SNX14: variants seen among roughly 807,000 people sequenced by gnomAD.
The protein encoded by SNX14 is sorting nexin-14.
SNX14 carries 93 observed loss-of-function variants against 133.8 expected under a neutral mutation model. The observed-to-expected ratio is 0.70, with a 90% CI of 0.59 to 0.83. The LOEUF (loss-of-function observed/expected upper bound fraction) is 0.83. Among genes scored for constraint, SNX14 ranks in the 40% least tolerant of loss-of-function variants. The probability of loss-of-function intolerance (pLI) is 0.00; values close to 1 mark genes in which losing one functional copy is unlikely to be tolerated. For synonymous variants in SNX14, 368 were observed against 365.6 expected, an observed-to-expected ratio of 1.01 and a Z score of -0.07; for missense variants, 945 against 1,094.9, an observed-to-expected ratio of 0.86 and a Z score of 1.93.
Position 85,530,199 on chromosome 6 carries a change from TTC to T in SNX14, c.1885_1886del (p.Glu629IlefsTer7), listed in dbSNP as rs1171246802. On this transcript the variant is annotated frameshift_variant, in exon 19 of 29. Coordinates refer to ENST00000314673, the MANE Select transcript of SNX14 (RefSeq NM_153816.6). LOFTEE classifies it high-confidence loss of function. Reference protein sequence around the residue: ...EFYVLESKLTEFHGAFPDAQL... With the variant: ...EFYVLESKLTXFHGAFPDAQL... ...CCAAAAAGAATAACATACCATGAAATTCTGTTAGTTTTGATTCAAGTACATAG... is the reference window on the plus strand; with the variant it reads ...CCAAAAAGAATAACATACCATGAAATTGTTAGTTTTGATTCAAGTACATAG... The T allele has an allele frequency of 2.5e-6, 4 of 1,573,964 alleles. No individual in the cohort carries two copies. The highest frequency in any genetic ancestry group is 2.6e-6 in the Non-Finnish European group (3 of 1,150,058).
intron 6 of SNX14, among the ~76,000 whole-genome samples, chr6:85,563,333 C>T (rs559790032): frequency 6.6e-6 from 1 of 152,262 alleles, no homozygotes; most frequent in East Asian, 1.9e-4. Context: ...AGACAATATA[C>T]TACAAATATA....
intron 6 of SNX14, among the ~76,000 whole-genome samples, chr6:85,559,132 G>A (rs1790728727): frequency 6.6e-6 from 1 of 151,762 alleles, no homozygotes; most frequent in African/African-American, 2.4e-5. Context: ...AAAATCCCAG[G>A]GTGATAAATC....
intron 9 of SNX14, among the ~76,000 whole-genome samples, chr6:85,547,798 A>C (rs1275386951): frequency 2.0e-5 from 3 of 152,230 alleles, no homozygotes; most frequent in Non-Finnish European, 4.4e-5. Context: ...TTTCTAAATC[A>C]TTCTTGTTTC....
intron 9 of SNX14, 82 bp downstream of exon 9, chr6:85,548,219 T>C (rs1436915461): frequency 3.1e-6 from 3 of 959,826 alleles, no homozygotes; most frequent in Non-Finnish European, 4.8e-6. Flanking sequence ...TATCACTGAC[T>C]ATATACATAA....
At chr6:85,535,026 T>A (rs1322328735) in intron 17 of SNX14, among the ~76,000 whole-genome samples, 1 of 119,540 alleles carries the variant, frequency 8.4e-6, no homozygotes, top group Non-Finnish European at 1.8e-5. Context: ...CTTCTATCCA[T>A]ACTTTTTTTT....
chr6:85,513,903 A>G lies in SNX14; in HGVS notation c.2558-8T>C, dbSNP rs1193953721. On this transcript the variant is annotated splice_polypyrimidine_tract_variant and splice_region_variant and intron_variant, in intron 25 of 28. Coordinates refer to ENST00000314673, the MANE Select transcript of SNX14 (RefSeq NM_153816.6). ...TTTCACAGAATATAGCATCTAAAAA[A>G]GAGTAAAAAGAAATATTTCTGGAAT... 1.3e-6 allele frequency: 2 copies of G among 1,598,372 alleles called. No homozygotes were observed. The highest frequency in any genetic ancestry group is 1.7e-6 in the Non-Finnish European group (2 of 1,173,734).
intron 1 of SNX14, 125 bp downstream of exon 1, chr6:85,593,454 A>T: frequency 7.2e-7 from 1 of 1,386,486 alleles, no homozygotes; most frequent in Non-Finnish European, 9.5e-7. Context: ...TCCTCTGCGG[A>T]GCTCGCTCTC....
At chr6:85,545,244 A>G (rs1217855036) in intron 12 of SNX14, among the ~76,000 whole-genome samples, 1 of 152,228 alleles carries the variant, frequency 6.6e-6, no homozygotes, top group Non-Finnish European at 1.5e-5. Context: ...GAGAAAAAGA[A>G]AGGCAAAGAA....
intron 18 of SNX14, among the ~76,000 whole-genome samples, chr6:85,533,251 A>G (rs1262777536): frequency 1.3e-5 from 2 of 152,236 alleles, no homozygotes; most frequent in African/African-American, 4.8e-5. Context: ...TAATTAAACT[A>G]GAATAATACC....
At chr6:85,589,552 T>C (rs1802160209) in intron 1 of SNX14, 1 of 152,576 alleles carries the variant, frequency 6.6e-6, no homozygotes, top group Non-Finnish European at 1.5e-5. Flanking sequence ...TCTTCCTCAC[T>C]GTCTAGCACT....
At chr6:85,555,411 G>A (rs1789361095) in intron 7 of SNX14, among the ~76,000 whole-genome samples, 1 of 152,154 alleles carries the variant, frequency 6.6e-6, no homozygotes, top group Non-Finnish European at 1.5e-5. Flanking sequence ...AAAAAGAAAT[G>A]GGTTATCAAG....
At chr6:85,547,452 C>G in intron 10 of SNX14, 54 bp downstream of exon 10, 1 of 1,603,980 alleles carries the variant, frequency 6.2e-7, no homozygotes, top group South Asian at 1.1e-5. Flanking sequence ...ATTTGACATA[C>G]AAAATCAAAA....
chr6:85,567,775 G>A (rs1420210053), intron 4 of SNX14, 198 bp from the exon 5 acceptor site: 5 of 354,210 alleles, frequency 1.4e-5, no homozygotes, highest in African/African-American at 2.2e-5. Context: ...TTTAGCTCAC[G>A]AGTTTGAGAC....
intron 26 of SNX14, among the ~76,000 whole-genome samples, chr6:85,510,316 G>C (rs1227775452): frequency 6.6e-6 from 1 of 152,114 alleles, no homozygotes; most frequent in Non-Finnish European, 1.5e-5. Flanking sequence ...TTCTGGATCT[G>C]GGCCATTCTA....
At chr6:85,545,494 T>A (rs1785176811) in intron 12 of SNX14, among the ~76,000 whole-genome samples, 1 of 152,078 alleles carries the variant, frequency 6.6e-6, no homozygotes, top group South Asian at 2.1e-4. Flanking sequence ...TGTGGCTATA[T>A]TAACATCAGA....
chr6:85,569,770 C>T lies in SNX14; in HGVS notation c.418-2193G>A, dbSNP rs568112408. 1.4e-3 allele frequency among the ~76,000 whole-genome samples: 219 copies of T among 152,182 alleles called. 1 individual carries two copies. The highest frequency in any genetic ancestry group is 2.5e-3 in the Non-Finnish European group (168 of 68,030). ...GTAAAATTATCAATAATAGTACCCACTTCATAGGTTATACATAGATTACAT... is the reference window on the plus strand; with the variant it reads ...GTAAAATTATCAATAATAGTACCCATTTCATAGGTTATACATAGATTACAT... On this transcript the variant is annotated intron_variant, in intron 4 of 28. Coordinates refer to ENST00000314673, the MANE Select transcript of SNX14 (RefSeq NM_153816.6).
At chr6:85,565,212 A>C (rs1021298465) in intron 6 of SNX14, 120 bp downstream of exon 6, 2 of 567,818 alleles carry the variant, frequency 3.5e-6, no homozygotes, top group Non-Finnish European at 6.3e-6. Flanking sequence ...CCTGTATCAA[A>C]GTATCTCATG....
intron 9 of SNX14, 109 bp downstream of exon 9, chr6:85,548,192 A>G: frequency 2.6e-6 from 2 of 759,898 alleles, no homozygotes; most frequent in Non-Finnish European, 4.3e-6. Flanking sequence ...GTTGCACAAC[A>G]ATATGAATGT....
intron 18 of SNX14, 55 bp from the exon 19 acceptor site, chr6:85,530,330 A>G: frequency 8.7e-7 from 1 of 1,145,868 alleles, no homozygotes; most frequent in Non-Finnish European, 1.3e-6. Flanking sequence ...ACCTAAAAGA[A>G]TGCCATATTT....
Sources: gnomAD v4.1 joint callset for allele counts (sites outside exome capture counted in the v4.1 genomes callset) on GRCh38, gnomAD v4.1.1 for gene constraint, MANE v1.5 for transcripts, NCBI Gene and HGNC (gene_info 2026-07-23, HGNC 2026-07-21) for gene names.